The following UQCRFS1 variants were observed in gnomAD, a reference collection of about 807,000 sequenced individuals.
UQCRFS1 encodes ubiquinol-cytochrome c reductase, Rieske iron-sulfur polypeptide 1, also known as cytochrome b-c1 complex subunit Rieske, mitochondrial.
UQCRFS1 carries 6 observed loss-of-function variants against 15.6 expected under a neutral mutation model. The ratio of observed to expected loss-of-function variants is 0.38; its 90% CI spans 0.21 to 0.76. The LOEUF (loss-of-function observed/expected upper bound fraction) is 0.76, where lower values mean the gene tolerates loss of function less well. Ranked by LOEUF, UQCRFS1 falls within the 30% of genes least tolerant of loss-of-function variation. The pLI is 0.44. For missense variants in UQCRFS1, 203 were observed against 366.7 expected (o/e 0.55, Z 3.65); for synonymous variants, 105 against 154.3 (o/e 0.68, Z 2.37).
At position 29,212,384 on chromosome 19, in the gene UQCRFS1, G is replaced by GTTT. The variant is rs74181465; in HGVS notation, c.214+518_214+520dup. Among the ~76,000 whole-genome samples the GTTT allele has an allele frequency of 3.4e-5, 5 of 145,638 alleles. No individual in the cohort carries two copies. In the East Asian group the frequency reaches 8.1e-4, roughly 24 times the overall value. ...AACTGACCTTGTGTATGTTTTTTTTGTTTTTTTTTTGGTGGGGGGGTGATG... is the reference window on the plus strand; with the variant it reads ...AACTGACCTTGTGTATGTTTTTTTTGTTTTTTTTTTTTTGGTGGGGGGGTGATG... On this transcript the variant is annotated intron_variant, in intron 1 of 1. Transcript: ENST00000304863.
chr19:29,209,564 G>A (rs1962084521), intron 1 of UQCRFS1, among the ~76,000 whole-genome samples: 2 of 152,044 alleles, frequency 1.3e-5, no homozygotes, highest in Admixed American at 1.3e-4. Flanking sequence ...TCCTGGAGAA[G>A]ACCAGGACAC....
In UQCRFS1 at chr19:29,208,135, G is replaced by C; in HGVS notation, c.238C>G (p.His80Asp). ...AAGTCAGGCACCTTGATGTCTGTGT[G>C]GGAATAACAAACAGAAGCAGGGACT... Reference protein sequence around the residue: ...LNVPASVCYSHTDIKVPDFSE... With the variant: ...LNVPASVCYSDTDIKVPDFSE... The change falls in exon 2 of 2, where the codon CAC (histidine) becomes GAC (aspartate). Residue 80 changes from histidine to aspartate, a missense_variant. By Grantham distance (81) the His-to-Asp change is moderately conservative (BLOSUM62 -1). This residue lies in a region of UQCRFS1 where 92 missense variants were observed against 120.5 expected (regional missense o/e 0.76). Transcript: ENST00000304863. The C allele has an allele frequency of 6.2e-7, 1 of 1,611,066 alleles. No homozygotes were observed. Among genetic ancestry groups the C allele is most frequent in the African/African-American group, 1.3e-5 (1 of 74,808 alleles).
rs377349077 is a variant in UQCRFS1, at chr19:29,212,994, A to T, written c.125T>A (p.Val42Glu). Residue 42 changes from valine to glutamate, a missense_variant, in exon 1 of 2, where the codon GTG becomes GAG. By Grantham distance (121) the Val-to-Glu change is moderately radical. Coordinates refer to ENST00000304863, the MANE Select transcript of UQCRFS1 (RefSeq NM_006003.3). ...GAGGAAGGGCCGCTTCAGGTCCAAC[A>T]CAGGCTGCTCCGGGGTGGCGGGCAC... ...ATVPATPEQP[V>E]LDLKRPFLSR... 2.2e-5 allele frequency: 31 copies of T among 1,409,926 alleles called. No individual in the cohort carries two copies. The highest frequency in any genetic ancestry group is 1.8e-4 in the East Asian group (6 of 33,768). The allele number at this position is 1,409,926 out of a possible 1,614,324, so 87.3% of individuals were successfully genotyped here. A position where few individuals can be genotyped will look rare whatever the true frequency, so the allele number is the denominator to read the frequency against.
rs1675880202 is a variant in UQCRFS1, at chr19:29,206,840, G to GA, written c.*707dup. The GA allele has an allele frequency of 6.6e-6, 1 of 152,272 alleles. No homozygotes were observed. Among genetic ancestry groups the GA allele is most frequent in the Admixed American group, 6.5e-5 (1 of 15,296 alleles). 9.4% of individuals were successfully genotyped at this position (152,272 alleles called of 1,614,324 possible). A position where few individuals can be genotyped will look rare whatever the true frequency, so the allele number is the denominator to read the frequency against. On this transcript the variant is annotated 3_prime_UTR_variant, in exon 2 of 2. Transcript: ENST00000304863. ...GAAATGGCAGAGCACTCTCATTTTG[G>GA]AAAGTTTCTCTCAGGTAATATCCCA...
rs74741803 is a variant in UQCRFS1 at position 29,211,757 on chromosome 19, G to C, written c.214+1148C>G. On this transcript the variant is annotated intron_variant, in intron 1 of 1. Coordinates refer to ENST00000304863, the MANE Select transcript of UQCRFS1 (RefSeq NM_006003.3). ...AGCAACTTAGTGGAAGGACCATGAAGAAAGTGCAGAGCCCAGGGTGAATGA... is the reference window on the plus strand; with the variant it reads ...AGCAACTTAGTGGAAGGACCATGAACAAAGTGCAGAGCCCAGGGTGAATGA... 4.9e-3 allele frequency among the ~76,000 whole-genome samples: 744 copies of C among 152,332 alleles called. 5 individuals carry two copies. The highest frequency in any genetic ancestry group is 5.6e-3 in the Non-Finnish European group (383 of 68,038).
chr19:29,208,278 T>C, intron 1 of UQCRFS1, 120 bp from the exon 2 acceptor site: 1 of 1,338,884 alleles, frequency 7.5e-7, no homozygotes, highest in East Asian at 2.5e-5. Flanking sequence ...AAATGTGAAA[T>C]ATGGCACTCA....
At chr19:29,210,821 C>T (rs970899320) in intron 1 of UQCRFS1, among the ~76,000 whole-genome samples, 11 of 152,102 alleles carry the variant, frequency 7.2e-5, no homozygotes, top group Non-Finnish European at 1.5e-4. Context: ...AATAAACATA[C>T]ATGTAAATGT....
rs1042534033 is a variant in UQCRFS1, at chr19:29,205,663, T to G, written c.*1885A>C. 1 of 152,240 alleles carries G rather than the reference T, an allele frequency of 6.6e-6. No individual in the cohort carries two copies. Among genetic ancestry groups the G allele is most frequent in the African/African-American group, 2.4e-5 (1 of 41,472 alleles). 9.4% of individuals were successfully genotyped at this position (152,240 alleles called of 1,614,324 possible). A position where few individuals can be genotyped will look rare whatever the true frequency, so the allele number is the denominator to read the frequency against. ...AATGATCTGATGTCAGGGTGCTAGC[T>G]GGTCAGGTTTATTCTGTAAGTAATT... On this transcript the variant is annotated 3_prime_UTR_variant, in exon 2 of 2. Transcript: ENST00000304863.
chr19:29,210,602 C>T (rs571552691), intron 1 of UQCRFS1, among the ~76,000 whole-genome samples: 2 of 150,048 alleles, frequency 1.3e-5, no homozygotes, highest in African/African-American at 4.9e-5. Context: ...TGAGTGAGAA[C>T]ATGCAGTGTT....
intron 1 of UQCRFS1, among the ~76,000 whole-genome samples, chr19:29,210,111 ATTTT>A (rs1207410085): frequency 1.3e-5 from 2 of 151,942 alleles, no homozygotes; most frequent in East Asian, 3.8e-4. Flanking sequence ...AACAAGTTTT[ATTTT>A]AAGGTTGAGC....
At chr19:29,210,573 A>G (rs1024113595) in intron 1 of UQCRFS1, among the ~76,000 whole-genome samples, 1 of 134,434 alleles carries the variant, frequency 7.4e-6, no homozygotes, top group Non-Finnish European at 1.5e-5. Flanking sequence ...ATGTGTTCTC[A>G]TTGTTCAATT....
intron 1 of UQCRFS1, among the ~76,000 whole-genome samples, chr19:29,210,657 A>G (rs913718277): frequency 2.0e-5 from 3 of 151,816 alleles, no homozygotes; most frequent in Non-Finnish European, 2.9e-5. Flanking sequence ...ATGATTTCCA[A>G]TTTCATCCAT....
intron 1 of UQCRFS1, among the ~76,000 whole-genome samples, chr19:29,209,240 T>C (rs1187999148): frequency 6.6e-6 from 1 of 152,182 alleles, no homozygotes; most frequent in Non-Finnish European, 1.5e-5. Flanking sequence ...TGTATATTCA[T>C]CTTAAGAAAT....
intron 1 of UQCRFS1, among the ~76,000 whole-genome samples, chr19:29,210,445 T>C (rs893192170): frequency 6.6e-6 from 1 of 151,952 alleles, no homozygotes; most frequent in African/African-American, 2.4e-5. Flanking sequence ...TGTGCCATGC[T>C]GGTGTGCTGC....
chr19:29,212,820 C>A (rs903725058), intron 1 of UQCRFS1, 85 bp downstream of exon 1: 50 of 1,300,994 alleles, frequency 3.8e-5, no homozygotes, highest in Non-Finnish European at 4.8e-5. Flanking sequence ...TCCGCTCGCG[C>A]GCCCGCGGCC....
chr19:29,208,262 T>C, intron 1 of UQCRFS1, 104 bp from the exon 2 acceptor site: 1 of 1,442,416 alleles, frequency 6.9e-7, no homozygotes, highest in Non-Finnish European at 9.1e-7. Flanking sequence ...AAAAATCAAA[T>C]TCTAAAAATG....
Position 29,206,065 on chromosome 19 carries a change from C to G in UQCRFS1, c.*1483G>C, listed in dbSNP as rs1002669205. The stretch of plus-strand genomic sequence containing the variant: ...GGTGCTGTTGACATTTTTGGCAGCA[C>G]AGGTTTTTTAGTGTGTGGACCTGTG... On this transcript the variant is annotated 3_prime_UTR_variant, in exon 2 of 2. Transcript: ENST00000304863. 1 of 152,144 alleles carries G rather than the reference C, an allele frequency of 6.6e-6. No homozygotes were observed. The highest frequency in any genetic ancestry group is 1.5e-5 in the Non-Finnish European group (1 of 68,040). 9.4% of individuals were successfully genotyped at this position (152,144 alleles called of 1,614,324 possible). A position where few individuals can be genotyped will look rare whatever the true frequency, so the allele number is the denominator to read the frequency against.
rs1399834058 is a variant in UQCRFS1 at position 29,213,125 on chromosome 19, A to G, written c.-7T>C. The G allele has an allele frequency of 4.6e-6, 7 of 1,521,722 alleles. No individual in the cohort carries two copies. Among genetic ancestry groups the G allele is most frequent in the South Asian group, 3.6e-5 (3 of 83,664 alleles). The allele number at this position is 1,521,722 out of a possible 1,614,324, so 94.3% of individuals were successfully genotyped here. A position where few individuals can be genotyped will look rare whatever the true frequency, so the allele number is the denominator to read the frequency against. The stretch of plus-strand genomic sequence containing the variant: ...GGGATGCTACCGACAACATGGCGAC[A>G]GCCGCTCCAACCGCCAAGCCGGTCA... On this transcript the variant is annotated 5_prime_UTR_variant, in exon 1 of 2. Transcript: ENST00000304863.
intron 1 of UQCRFS1, among the ~76,000 whole-genome samples, chr19:29,211,830 G>A (rs548035043): frequency 6.8e-4 from 104 of 152,288 alleles, no homozygotes; most frequent in African/African-American, 2.3e-3. Flanking sequence ...AGCGTGTAGG[G>A]GAAGAGTCAC....
Sources: gnomAD v4.1 joint callset for allele counts (sites outside exome capture counted in the v4.1 genomes callset) on GRCh38, gnomAD v4.1.1 for gene constraint, gnomAD v4.1.1 regional missense constraint, MANE v1.5 for transcripts, NCBI Gene and HGNC (gene_info 2026-07-23, HGNC 2026-07-21) for gene names.